The following RERE variants were observed in gnomAD, a reference collection of about 807,000 sequenced individuals.
The protein encoded by RERE is arginine-glutamic acid dipeptide repeats protein.
RERE carries 40 observed loss-of-function variants against 146.1 expected under a neutral mutation model. The ratio of observed to expected loss-of-function variants is 0.27; its 90% CI spans 0.21 to 0.36. The LOEUF (loss-of-function observed/expected upper bound fraction) is 0.36, where lower values mean the gene tolerates loss of function less well. Ranked by LOEUF, RERE falls within the 10% of genes least tolerant of loss-of-function variation. The pLI is 1.00. For synonymous variants in RERE, 1,003 were observed against 866.0 expected (o/e 1.16, Z -2.78); for missense variants, 1,933 against 2,138.7 (o/e 0.90, Z 1.90).
chr1:8,358,453 G>A lies in RERE; in HGVS notation c.4082C>T (p.Pro1361Leu). Residue 1361 changes from proline to leucine, a missense_variant, in exon 20 of 23, where the codon CCC becomes CTC. Physicochemically the swap from Pro to Leu is moderately conservative, Grantham distance 98. Around this residue, in one of 11 missense-constraint regions of RERE, gnomAD observed 1,255 missense variants for 1,153.8 expected, o/e 1.09. Coordinates refer to ENST00000400908, the MANE Select transcript of RERE (RefSeq NM_001042681.2). ...SALTIPPTAG[P>L]HPFASFHPGL... The stretch of plus-strand genomic sequence containing the variant: ...CGGGTGGAAAGAAGCAAAAGGGTGG[G>A]GCCCGGCGGTCGGGGGGATGGTGAG... The A allele has an allele frequency of 3.1e-6, 5 of 1,588,728 alleles. No homozygotes were observed. Among genetic ancestry groups the A allele is most frequent in the Non-Finnish European group, 4.3e-6 (5 of 1,164,664 alleles).
intron 2 of RERE, among the ~76,000 whole-genome samples, chr1:8,628,261 TAC>T (rs748113422): frequency 6.6e-6 from 1 of 152,074 alleles, no homozygotes; most frequent in Non-Finnish European, 1.5e-5. Flanking sequence ...TGACAAAACT[TAC>T]AGTTTTGTAA....
intron 6 of RERE, among the ~76,000 whole-genome samples, chr1:8,552,854 G>A (rs903703141): frequency 3.5e-5 from 5 of 144,064 alleles, no homozygotes; most frequent in Non-Finnish European, 7.4e-5. Flanking sequence ...ACACACACGT[G>A]TGACCCTGCA....
intron 12 of RERE, among the ~76,000 whole-genome samples, chr1:8,367,048 G>A (rs1315716044): frequency 6.6e-6 from 1 of 152,046 alleles, no homozygotes; most frequent in Non-Finnish European, 1.5e-5. Flanking sequence ...GATGCTGGGA[G>A]TTGTCTTGGA....
At chr1:8,545,487 T>C (rs1308640961) in intron 6 of RERE, among the ~76,000 whole-genome samples, 1 of 152,014 alleles carries the variant, frequency 6.6e-6, no homozygotes, top group Admixed American at 6.5e-5. Context: ...TTCACTCTCT[T>C]AAAATTACCA....
chr1:8,459,967 T>C (rs1402212176), intron 11 of RERE, among the ~76,000 whole-genome samples: 1 of 152,210 alleles, frequency 6.6e-6, no homozygotes, highest in East Asian at 1.9e-4. Flanking sequence ...TGTAAAATTT[T>C]AAAACAAAAT....
At chr1:8,625,459 C>A (rs535053574) in intron 2 of RERE, among the ~76,000 whole-genome samples, 1 of 152,180 alleles carries the variant, frequency 6.6e-6, no homozygotes, top group East Asian at 1.9e-4. Flanking sequence ...GAATAGTGAC[C>A]ACAATGCCTC....
chr1:8,752,812 A>T (rs902581475), intron 1 of RERE, among the ~76,000 whole-genome samples: 6 of 152,200 alleles, frequency 3.9e-5, no homozygotes, highest in African/African-American at 1.2e-4. Context: ...CATAATTTTT[A>T]AATTTTGTTT....
At chr1:8,738,745 T>C (rs1385565780) in intron 1 of RERE, among the ~76,000 whole-genome samples, 1 of 152,216 alleles carries the variant, frequency 6.6e-6, no homozygotes, top group Non-Finnish European at 1.5e-5. Context: ...TAATAAACTA[T>C]AGTATCCCTC....
chr1:8,358,057 T>G, intron 20 of RERE, 139 bp downstream of exon 20: 23 of 1,424,090 alleles, frequency 1.6e-5, no homozygotes, highest in Non-Finnish European at 2.1e-5. Context: ...TAGTGGATGC[T>G]GAGCTCTTCT....
At chr1:8,446,917 G>A (rs1644329407) in intron 11 of RERE, among the ~76,000 whole-genome samples, 1 of 151,754 alleles carries the variant, frequency 6.6e-6, no homozygotes, top group Non-Finnish European at 1.5e-5. Flanking sequence ...CTGACCTCGT[G>A]ATCCGCCCGC....
chr1:8,695,704 G>A (rs1192814552), intron 1 of RERE, among the ~76,000 whole-genome samples: 3 of 151,212 alleles, frequency 2.0e-5, no homozygotes, highest in Non-Finnish European at 2.9e-5. Flanking sequence ...AGGTTGCAGC[G>A]AGCTGAGATC....
At chr1:8,741,303 T>C (rs140150267) in intron 1 of RERE, among the ~76,000 whole-genome samples, 20 of 152,284 alleles carry the variant, frequency 1.3e-4, no homozygotes, top group African/African-American at 4.8e-4. Flanking sequence ...CATCACTGAA[T>C]CCCAAAGAGT....
chr1:8,435,218 C>T (rs1644152745), intron 11 of RERE, among the ~76,000 whole-genome samples: 1 of 152,202 alleles, frequency 6.6e-6, no homozygotes, highest in Non-Finnish European at 1.5e-5. Flanking sequence ...TAAGGCCTAG[C>T]TCTTATCACC....
intron 4 of RERE, among the ~76,000 whole-genome samples, chr1:8,605,169 G>A (rs749959564): frequency 6.6e-6 from 1 of 151,942 alleles, no homozygotes; most frequent in Non-Finnish European, 1.5e-5. Context: ...ACGGAGTCTC[G>A]CTCTGTCGCC....
chr1:8,403,646 G>A (rs572994810), intron 12 of RERE, among the ~76,000 whole-genome samples: 3 of 151,632 alleles, frequency 2.0e-5, no homozygotes, highest in East Asian at 1.9e-4. Flanking sequence ...GATTACGAGC[G>A]TGAGCCACAG....
At chr1:8,578,110 C>G (rs1014031641) in intron 4 of RERE, among the ~76,000 whole-genome samples, 1 of 151,442 alleles carries the variant, frequency 6.6e-6, no homozygotes, top group Admixed American at 6.6e-5. Flanking sequence ...AAAAAAAGGG[C>G]GGGGGGGAGA....
At chr1:8,525,571 C>A (rs973240781) in intron 7 of RERE, among the ~76,000 whole-genome samples, 1 of 152,232 alleles carries the variant, frequency 6.6e-6, no homozygotes, top group African/African-American at 2.4e-5. Context: ...AATGCCTCTC[C>A]GGTAGTCCCC....
intron 7 of RERE, among the ~76,000 whole-genome samples, chr1:8,522,413 A>T (rs1168752136): frequency 6.6e-6 from 1 of 152,282 alleles, no homozygotes; most frequent in Non-Finnish European, 1.5e-5. Flanking sequence ...GAATAAATGA[A>T]TACACAAAGT....
At chr1:8,550,374 T>C (rs932417858) in intron 6 of RERE, among the ~76,000 whole-genome samples, 2 of 152,172 alleles carry the variant, frequency 1.3e-5, no homozygotes, top group African/African-American at 4.8e-5. Flanking sequence ...TAAGCATGTA[T>C]AGACAAAACA....
Sources: gnomAD v4.1 joint callset for allele counts (sites outside exome capture counted in the v4.1 genomes callset) on GRCh38, gnomAD v4.1.1 for gene constraint, gnomAD v4.1.1 regional missense constraint, MANE v1.5 for transcripts, NCBI Gene and HGNC (gene_info 2026-07-23, HGNC 2026-07-21) for gene names.